Variants in CNTN1 observed in about 807,000 individuals in gnomAD.
CNTN1 encodes contactin 1, also known as contactin-1.
In CNTN1, 38 loss-of-function variants were observed where a neutral mutation model predicts 126.4. The observed-to-expected ratio is 0.30, with a 90% CI of 0.23 to 0.39. The LOEUF (loss-of-function observed/expected upper bound fraction) is 0.39, where lower values mean the gene tolerates loss of function less well. Ranked by LOEUF, CNTN1 falls within the 10% of genes least tolerant of loss-of-function variation. CNTN1 has a pLI of 1.00. For missense variants in CNTN1, 1,009 were observed against 1,248.4 expected, an observed-to-expected ratio of 0.81 and a Z score of 2.89; for synonymous variants, 413 against 422.6, an observed-to-expected ratio of 0.98 and a Z score of 0.28.
intron 1 of CNTN1, among the ~76,000 whole-genome samples, chr12:40,841,002 A>C (rs190287477): frequency 9.2e-5 from 14 of 152,126 alleles, no homozygotes; most frequent in Non-Finnish European, 1.9e-4. Context: ...ACAAAGGATC[A>C]GTAAAACAAA....
chr12:40,847,799 C>T (rs1942566432), intron 1 of CNTN1, among the ~76,000 whole-genome samples: 1 of 152,122 alleles, frequency 6.6e-6, no homozygotes, highest in Admixed American at 6.5e-5. Flanking sequence ...GGCCCCCAAC[C>T]GTTTTGGCAC....
chr12:40,995,638 A>G (rs1948194723), intron 17 of CNTN1, among the ~76,000 whole-genome samples: 1 of 152,178 alleles, frequency 6.6e-6, no homozygotes, highest in South Asian at 2.1e-4. Context: ...TGCTTACAAA[A>G]TAACTTCCCT....
chr12:40,710,384 A>G (rs1341508354), intron 1 of CNTN1, among the ~76,000 whole-genome samples: 2 of 152,162 alleles, frequency 1.3e-5, no homozygotes, highest in Non-Finnish European at 2.9e-5. Flanking sequence ...ACAATAGTAA[A>G]ATCAAAGATC....
intron 16 of CNTN1, among the ~76,000 whole-genome samples, chr12:40,984,084 G>T (rs1271712492): frequency 6.7e-6 from 1 of 148,726 alleles, no homozygotes; most frequent in East Asian, 2.0e-4. Context: ...AGCTATCTAG[G>T]GGAAACACTT....
At chr12:40,728,870 C>T (rs991285471) in intron 1 of CNTN1, 1 of 152,152 alleles carries the variant, frequency 6.6e-6, no homozygotes, top group Non-Finnish European at 1.5e-5. Context: ...GTCCTACCTG[C>T]ATCAACTGGG....
At chr12:40,956,199 G>T (rs1290696171) in intron 14 of CNTN1, among the ~76,000 whole-genome samples, 1 of 152,064 alleles carries the variant, frequency 6.6e-6, no homozygotes, top group Admixed American at 6.6e-5. Context: ...GGCATATTTA[G>T]CGTGATTATT....
At chr12:40,770,659 A>G (rs892699936) in intron 1 of CNTN1, among the ~76,000 whole-genome samples, 1 of 152,152 alleles carries the variant, frequency 6.6e-6, no homozygotes, top group Non-Finnish European at 1.5e-5. Flanking sequence ...TAGAGTCTAG[A>G]TGCCATATAA....
chr12:40,861,897 C>T (rs758666122), intron 1 of CNTN1, among the ~76,000 whole-genome samples: 1 of 151,978 alleles, frequency 6.6e-6, no homozygotes, highest in Non-Finnish European at 1.5e-5. Context: ...TCTTAAACCT[C>T]ACAACATATT....
At chr12:40,775,146 T>C (rs1436764707) in intron 1 of CNTN1, among the ~76,000 whole-genome samples, 1 of 124,940 alleles carries the variant, frequency 8.0e-6, no homozygotes, top group African/African-American at 2.7e-5. Context: ...TCTTTATTGT[T>C]CTTTCTAATG....
At chr12:40,711,988 G>C (rs970609651) in intron 1 of CNTN1, among the ~76,000 whole-genome samples, 5 of 152,042 alleles carry the variant, frequency 3.3e-5, no homozygotes, top group African/African-American at 4.8e-5. Flanking sequence ...CCAAAGTGTT[G>C]GTATTACAGG....
At chr12:40,741,599 T>C (rs534778205) in intron 1 of CNTN1, among the ~76,000 whole-genome samples, 194 of 152,230 alleles carry the variant, frequency 1.3e-3, no homozygotes, top group Non-Finnish European at 1.9e-3. Flanking sequence ...CCGGATATTA[T>C]AAATATCAAC....
intron 1 of CNTN1, among the ~76,000 whole-genome samples, chr12:40,802,694 G>T (rs1410690711): frequency 6.6e-6 from 1 of 151,878 alleles, no homozygotes; most frequent in Non-Finnish European, 1.5e-5. Flanking sequence ...TGAGAAGGAT[G>T]AACAAAAAAA....
intron 1 of CNTN1, among the ~76,000 whole-genome samples, chr12:40,884,176 T>C (rs1466075437): frequency 2.0e-5 from 3 of 151,628 alleles, no homozygotes; most frequent in East Asian, 1.9e-4. Context: ...TAATTTCTTA[T>C]GTACCTTGAT....
chr12:40,737,568 C>A (rs1332108813), intron 1 of CNTN1, among the ~76,000 whole-genome samples: 1 of 151,578 alleles, frequency 6.6e-6, no homozygotes, highest in Non-Finnish European at 1.5e-5. Flanking sequence ...TCTCCTTTCA[C>A]TTTTTTCTGC....
At chr12:40,917,961 C>T (rs1338737705) in intron 3 of CNTN1, among the ~76,000 whole-genome samples, 1 of 152,068 alleles carries the variant, frequency 6.6e-6, no homozygotes, top group East Asian at 1.9e-4. Flanking sequence ...AGAAAAAAAT[C>T]AACAAAAACT....
intron 1 of CNTN1, among the ~76,000 whole-genome samples, chr12:40,907,500 A>C (rs1278231032): frequency 1.3e-5 from 2 of 152,246 alleles, no homozygotes; most frequent in South Asian, 2.1e-4. Context: ...CTTCACCTGC[A>C]TGAGGCTATT....
At chr12:40,883,875 A>T (rs2136704600) in intron 1 of CNTN1, among the ~76,000 whole-genome samples, 1 of 151,692 alleles carries the variant, frequency 6.6e-6, no homozygotes, top group East Asian at 1.9e-4. Flanking sequence ...TAATCACTAT[A>T]AGAGAAATGC....
At chr12:40,907,808 A>G (rs1463039291) in intron 1 of CNTN1, among the ~76,000 whole-genome samples, 1 of 152,208 alleles carries the variant, frequency 6.6e-6, no homozygotes, top group Admixed American at 6.5e-5. Context: ...AATATATTGT[A>G]ACATTTAAAA....
intron 1 of CNTN1, among the ~76,000 whole-genome samples, chr12:40,733,670 A>G (rs1157200193): frequency 6.6e-6 from 1 of 152,062 alleles, no homozygotes; most frequent in Non-Finnish European, 1.5e-5. Context: ...TGATAAAAAA[A>G]AGTATATAAT....
Sources: allele counts gnomAD v4.1 joint callset (sites outside exome capture counted in the v4.1 genomes callset), GRCh38; gene constraint gnomAD v4.1.1; transcripts MANE v1.5; gene names NCBI Gene and HGNC (gene_info 2026-07-23, HGNC 2026-07-21).